Variants in CSTL1 observed in about 807,000 individuals in gnomAD.
CSTL1 encodes the protein cystatin like 1.
A neutral mutation model predicts 14.4 loss-of-function variants in CSTL1; 14 were observed. That is an observed-to-expected ratio of 0.97 (90% CI 0.64 to 1.52). The LOEUF (loss-of-function observed/expected upper bound fraction) is 1.52. Among genes scored for constraint, CSTL1 ranks in the 40% most tolerant of loss-of-function variants. The pLI is 0.00. For missense variants in CSTL1, 170 were observed against 168.7 expected (o/e 1.01, Z -0.04); for synonymous variants, 72 against 67.5 (o/e 1.07, Z -0.33).
the CSTL1 span, among the ~76,000 whole-genome samples, chr20:23,458,150 G>A: frequency 3.1e-4 from 47 of 152,190 alleles, no homozygotes; most frequent in Non-Finnish European, 7.3e-5. Flanking sequence ...CCTACCAAGA[G>A]TTGGTTAAGA....
chr20:23,450,242 T>C, the CSTL1 span, among the ~76,000 whole-genome samples: 1 of 152,190 alleles, frequency 6.6e-6, no homozygotes, highest in Non-Finnish European at 1.5e-5. Context: ...AGAATGAAAT[T>C]GAAGTTCTGC....
chr20:23,442,912 G>A (rs1365941509), intron 2 of CSTL1, among the ~76,000 whole-genome samples: 10 of 152,180 alleles, frequency 6.6e-5, no homozygotes, highest in Non-Finnish European at 1.2e-4. Context: ...ACAGGGAACC[G>A]TAACCCCCAA....
At chr20:23,451,204 T>G in the CSTL1 span, among the ~76,000 whole-genome samples, 1 of 152,238 alleles carries the variant, frequency 6.6e-6, no homozygotes, top group Non-Finnish European at 1.5e-5. Context: ...GCTTCATTTC[T>G]TCATCCATCT....
At chr20:23,457,040 C>A in the CSTL1 span, among the ~76,000 whole-genome samples, 56 of 152,286 alleles carry the variant, frequency 3.7e-4, no homozygotes, top group Middle Eastern at 3.4e-3. Context: ...GGTTAGGATG[C>A]GGACATCTCG....
At chr20:23,457,183 C>T in the CSTL1 span, among the ~76,000 whole-genome samples, 9 of 152,160 alleles carry the variant, frequency 5.9e-5, no homozygotes, top group African/African-American at 1.9e-4. Context: ...ATCCCTACCA[C>T]CTCAGTTCCT....
intron 2 of CSTL1, among the ~76,000 whole-genome samples, chr20:23,441,910 C>T (rs143447175): frequency 0.011 from 1,732 of 152,248 alleles, 20 homozygotes; most frequent in Non-Finnish European, 0.015. Context: ...ACCGGCAAGG[C>T]GGGAGGGCAG....
At chr20:23,453,471 C>T in the CSTL1 span, among the ~76,000 whole-genome samples, 132 of 152,224 alleles carry the variant, frequency 8.7e-4, no homozygotes, top group Admixed American at 2.5e-3. Flanking sequence ...AGGTGTGAGA[C>T]ACAGGGAGCT....
the CSTL1 span, among the ~76,000 whole-genome samples, chr20:23,456,937 C>T: frequency 2.0e-5 from 3 of 152,128 alleles, no homozygotes; most frequent in Non-Finnish European, 4.4e-5. Flanking sequence ...TACATGGGGC[C>T]CCTTCAGATA....
chr20:23,449,665 C>T (rs1025459499), downstream of CSTL1, among the ~76,000 whole-genome samples: 1 of 152,122 alleles, frequency 6.6e-6, no homozygotes, highest in Non-Finnish European at 1.5e-5. Context: ...GGGGATGCTT[C>T]CTCCCGTGGC....
downstream of CSTL1, among the ~76,000 whole-genome samples, chr20:23,446,629 C>T (rs1378750174): frequency 6.6e-6 from 1 of 152,198 alleles, no homozygotes; most frequent in Non-Finnish European, 1.5e-5. Context: ...AGTCATTGAG[C>T]CTCCCATGTT....
At position 23,443,948 on chromosome 20, in the gene CSTL1, G is replaced by A. The variant is rs779438782; in HGVS notation, c.234G>A (p.Val78=). 2 of 1,613,862 alleles carry A rather than the reference G, an allele frequency of 1.2e-6. No homozygotes were observed. The highest frequency in any genetic ancestry group is 2.2e-5 in the East Asian group (1 of 44,876). ...IRSQMQLTTG[V]EYIVTVKIGW... is the part of the protein sequence containing the mutation. ...ATTCTCGGCAGCTGACGACGGGAGTGGAGTATATAGTCACTGTGAAGATTG... is the reference window on the plus strand; with the variant it reads ...ATTCTCGGCAGCTGACGACGGGAGTAGAGTATATAGTCACTGTGAAGATTG... Residue 78 remains valine, a synonymous_variant, in exon 3 of 4, where the codon GTG becomes GTA. Coordinates refer to ENST00000347397, the MANE Select transcript of CSTL1 (RefSeq NM_138283.1).
the CSTL1 span, among the ~76,000 whole-genome samples, chr20:23,452,260 A>G: frequency 6.6e-6 from 1 of 152,122 alleles, no homozygotes; most frequent in Non-Finnish European, 1.5e-5. Context: ...CTCTGTAACT[A>G]CTCAGTTCGG....
At chr20:23,450,380 A>G in the CSTL1 span, 1 of 622,898 alleles carries the variant, frequency 1.6e-6, no homozygotes, top group Non-Finnish European at 2.6e-6. Flanking sequence ...AAAAAGAAAA[A>G]GAAAAAAAGT....
downstream of CSTL1, among the ~76,000 whole-genome samples, chr20:23,448,976 C>T (rs374816264): frequency 5.3e-5 from 8 of 152,290 alleles, no homozygotes; most frequent in East Asian, 1.2e-3. Context: ...AGGCAGTTGG[C>T]GGAGGGAAAC....
the CSTL1 span, among the ~76,000 whole-genome samples, chr20:23,453,707 C>T: frequency 1.3e-5 from 2 of 152,150 alleles, no homozygotes; most frequent in Non-Finnish European, 2.9e-5. Context: ...GCAGTGATGG[C>T]TCCTGTGTGG....
At chr20:23,454,808 G>A in the CSTL1 span, among the ~76,000 whole-genome samples, 3 of 152,214 alleles carry the variant, frequency 2.0e-5, no homozygotes, top group Non-Finnish European at 4.4e-5. Flanking sequence ...ATAATTAAGA[G>A]CCTATGGGCA....
chr20:23,449,148 G>A (rs1034175301), downstream of CSTL1, among the ~76,000 whole-genome samples: 2 of 152,188 alleles, frequency 1.3e-5, no homozygotes, highest in African/African-American at 4.8e-5. Context: ...ACATGCAGGA[G>A]CTCTCCTGTT....
At chr20:23,455,395 A>G in the CSTL1 span, among the ~76,000 whole-genome samples, 2 of 152,194 alleles carry the variant, frequency 1.3e-5, no homozygotes, top group South Asian at 2.1e-4. Context: ...AACAGTATTT[A>G]TGAAATTTTG....
the CSTL1 span, among the ~76,000 whole-genome samples, chr20:23,455,118 G>A: frequency 6.6e-6 from 1 of 152,168 alleles, no homozygotes; most frequent in Non-Finnish European, 1.5e-5. Flanking sequence ...TCTGAGGATG[G>A]GAGAGAAAAA....
Sources: allele counts gnomAD v4.1 joint callset (sites outside exome capture counted in the v4.1 genomes callset), GRCh38; gene constraint gnomAD v4.1.1; transcripts MANE v1.5; gene names NCBI Gene and HGNC (gene_info 2026-07-23, HGNC 2026-07-21).